ASCC1: variants seen among roughly 807,000 people sequenced by gnomAD.
ASCC1 encodes ASC-1 complex subunit P50.
A neutral mutation model predicts 46.6 loss-of-function variants in ASCC1; 35 were observed. That is an observed-to-expected ratio of 0.75 (90% CI 0.57 to 0.99). The LOEUF is 0.99. Ranked by LOEUF, ASCC1 falls within the 50% of genes least tolerant of loss-of-function variation. The probability of loss-of-function intolerance (pLI) is 0.00; values close to 1 mark genes in which losing one functional copy is unlikely to be tolerated. For missense variants in ASCC1, 376 were observed against 428.7 expected (o/e 0.88, Z 1.09); for synonymous variants, 143 against 146.6 (o/e 0.98, Z 0.18).
intron 5 of ASCC1, among the ~76,000 whole-genome samples, chr10:72,173,948 A>C (rs1251511701): frequency 6.6e-6 from 1 of 152,230 alleles, no homozygotes; most frequent in Admixed American, 6.5e-5. Context: ...TTGACCTTCC[A>C]CCCAGCAGGG....
chr10:72,147,797 C>T (rs188056657), intron 7 of ASCC1, among the ~76,000 whole-genome samples: 67 of 152,178 alleles, frequency 4.4e-4, no homozygotes, highest in African/African-American at 1.6e-3. Flanking sequence ...ATCTAAGCAC[C>T]GTGCCAGGCA....
chr10:72,120,474 GA>G lies in ASCC1; in HGVS notation c.957+7607del, dbSNP rs561798425. Among the ~76,000 whole-genome samples, 173 of 146,886 alleles carry G rather than the reference GA, an allele frequency of 1.2e-3. 1 individual carries two copies. Among genetic ancestry groups the G allele is most frequent in the African/African-American group, 4.1e-3 (165 of 39,826 alleles). On this transcript the variant is annotated intron_variant, in intron 9 of 9. Coordinates refer to ENST00000672957, the MANE Select transcript of ASCC1 (RefSeq NM_001198800.3). ...GCACACAATGCAAATACCAGGAGAA[GA>G]AAAAAAGGAATGGAAACAATATTTG...
rs570626511 is a variant in ASCC1 at position 72,114,209 on chromosome 10, T to C, written c.957+13873A>G. On this transcript the variant is annotated intron_variant, in intron 9 of 9. Coordinates refer to ENST00000672957, the MANE Select transcript of ASCC1 (RefSeq NM_001198800.3). ...TATCTTTATCAGCTGAGTCTTGCTATGTGTAGTAATAAAGCTGCAATCAAA... is the reference window on the plus strand; with the variant it reads ...TATCTTTATCAGCTGAGTCTTGCTACGTGTAGTAATAAAGCTGCAATCAAA... Among the ~76,000 whole-genome samples, 4 of 152,344 alleles carry C rather than the reference T, an allele frequency of 2.6e-5. 1 individual carries two copies. In the South Asian group the frequency reaches 8.3e-4, roughly 32 times the overall value.
intron 5 of ASCC1, among the ~76,000 whole-genome samples, chr10:72,162,953 G>GAAAAAAAAAAAAAA (rs1589416150): frequency 7.4e-6 from 1 of 134,678 alleles, no homozygotes; most frequent in African/African-American, 3.9e-5. Flanking sequence ...AAAAAAAAAG[G>GAAAAAAAAAAAAAA]AAAAGGACTG....
chr10:72,136,229 T>A (rs1236430351), intron 7 of ASCC1, among the ~76,000 whole-genome samples: 1 of 152,088 alleles, frequency 6.6e-6, no homozygotes, highest in East Asian at 1.9e-4. Flanking sequence ...CTTGGAGAAC[T>A]TTTCTGCCTA....
At chr10:72,170,446 A>T (rs1850922764) in intron 5 of ASCC1, among the ~76,000 whole-genome samples, 1 of 152,058 alleles carries the variant, frequency 6.6e-6, no homozygotes, top group Non-Finnish European at 1.5e-5. Context: ...TTAAAAAGCC[A>T]ATGTCAAGAA....
At chr10:72,153,727 TTTTTA>T (rs952081085) in intron 6 of ASCC1, among the ~76,000 whole-genome samples, 6 of 148,400 alleles carry the variant, frequency 4.0e-5, no homozygotes, top group East Asian at 2.0e-4. Flanking sequence ...CGCCTGGCCT[TTTTTA>T]TTTTATTTTT....
chr10:72,129,862 TC>T (rs1204390313), intron 8 of ASCC1, among the ~76,000 whole-genome samples: 3 of 150,906 alleles, frequency 2.0e-5, no homozygotes, highest in African/African-American at 7.3e-5. Context: ...GTGCCTGTAT[TC>T]CCAACTACTC....
intron 5 of ASCC1, among the ~76,000 whole-genome samples, chr10:72,164,007 G>T (rs891110835): frequency 6.6e-6 from 1 of 151,858 alleles, no homozygotes; most frequent in Non-Finnish European, 1.5e-5. Context: ...CTGTCATCCA[G>T]GCTAGAGTGC....
intron 3 of ASCC1, among the ~76,000 whole-genome samples, chr10:72,206,816 G>A (rs1208180606): frequency 1.3e-5 from 2 of 152,090 alleles, no homozygotes; most frequent in Non-Finnish European, 2.9e-5. Flanking sequence ...GTTGCCAGGT[G>A]ATGGCTGCTA....
chr10:72,108,776 T>C (rs758423828), intron 9 of ASCC1, among the ~76,000 whole-genome samples: 1 of 152,340 alleles, frequency 6.6e-6, no homozygotes. Context: ...TGAGCTCTGA[T>C]TATTATTGTC....
intron 9 of ASCC1, among the ~76,000 whole-genome samples, chr10:72,120,592 CAA>C (rs756385458): frequency 9.8e-5 from 9 of 92,100 alleles, no homozygotes; most frequent in Admixed American, 4.5e-4. Flanking sequence ...GAATAAAGAC[CAA>C]AAAAAAAAAA....
At chr10:72,188,984 G>T (rs906910681) in intron 5 of ASCC1, among the ~76,000 whole-genome samples, 1 of 152,006 alleles carries the variant, frequency 6.6e-6, no homozygotes, top group Non-Finnish European at 1.5e-5. Context: ...TTGAACTCCT[G>T]GGCTCAAGCA....
At chr10:72,151,051 A>T (rs1404733284) in intron 7 of ASCC1, among the ~76,000 whole-genome samples, 3 of 152,234 alleles carry the variant, frequency 2.0e-5, no homozygotes, top group Non-Finnish European at 4.4e-5. Context: ...TTCCTCAAGG[A>T]TCTAGAACTA....
chr10:72,172,265 A>G (rs1237206058), intron 5 of ASCC1, among the ~76,000 whole-genome samples: 1 of 151,854 alleles, frequency 6.6e-6, no homozygotes, highest in Non-Finnish European at 1.5e-5. Flanking sequence ...AATACAAAAA[A>G]TTAGCCAGGC....
At chr10:72,160,833 C>T (rs1170249862) in intron 6 of ASCC1, among the ~76,000 whole-genome samples, 2 of 149,234 alleles carry the variant, frequency 1.3e-5, no homozygotes, top group Admixed American at 6.6e-5. Context: ...CCTGTAATCC[C>T]AGCACTTTGG....
chr10:72,172,787 A>G (rs1851317967), intron 5 of ASCC1, among the ~76,000 whole-genome samples: 1 of 134,902 alleles, frequency 7.4e-6, no homozygotes, highest in African/African-American at 2.7e-5. Context: ...TTTATATTAT[A>G]TATTATATAT....
At chr10:72,207,223 C>G (rs1380158875) in intron 3 of ASCC1, among the ~76,000 whole-genome samples, 1 of 152,058 alleles carries the variant, frequency 6.6e-6, no homozygotes, top group Non-Finnish European at 1.5e-5. Context: ...ACCAGCCTGA[C>G]CAACATGGCA....
intron 9 of ASCC1, among the ~76,000 whole-genome samples, chr10:72,115,272 C>G (rs1180124815): frequency 2.6e-5 from 4 of 152,146 alleles, no homozygotes; most frequent in Non-Finnish European, 1.5e-5. Context: ...TGAGTGCCTG[C>G]CAGGTGCAAG....
Sources: gnomAD v4.1 joint callset for allele counts (sites outside exome capture counted in the v4.1 genomes callset) on GRCh38, gnomAD v4.1.1 for gene constraint, MANE v1.5 for transcripts, NCBI Gene and HGNC (gene_info 2026-07-23, HGNC 2026-07-21) for gene names.